The following GET1 variants were observed in gnomAD, a reference collection of about 807,000 sequenced individuals.
The protein encoded by GET1 is congenital heart disease 5 protein.
A neutral mutation model predicts 22.6 loss-of-function variants in GET1; 20 were observed. The observed-to-expected ratio is 0.89, with a 90% confidence interval of 0.62 to 1.29. The LOEUF is 1.29. Among genes scored for constraint, GET1 ranks in the 50% most tolerant of loss-of-function variants. The pLI is 0.00. For synonymous variants in GET1, 92 were observed against 83.8 expected (o/e 1.10, Z -0.53); for missense variants, 209 against 219.9 (o/e 0.95, Z 0.31).
At chr21:39,407,971 A>G (rs2147103560), downstream of GET1, 1 of 152,348 alleles carries the variant, frequency 6.6e-6, no homozygotes, top group Middle Eastern at 3.4e-3. Flanking sequence ...CTTACAACTA[A>G]GGTGAGGCCC....
At position 39,390,805 on chromosome 21, in the gene GET1, C is replaced by T; in HGVS notation, c.210C>T (p.Ala70=). The T allele has an allele frequency of 1.2e-6, 2 of 1,614,144 alleles. No individual in the cohort carries two copies. Among genetic ancestry groups the T allele is most frequent in the Non-Finnish European group, 1.7e-6 (2 of 1,180,030 alleles). Residue 70 remains alanine, a synonymous_variant, in exon 2 of 5, where the codon GCC becomes GCT. Transcript: ENST00000649170. ...LSTVNMMDEF[A]RYARLERKIN... is the part of the protein sequence containing the mutation. ...CAGTCAACATGATGGACGAGTTTGC[C>T]AGATATGCCAGGCTGGAAAGAAAGA...
chr21:39,391,782 A>G lies in GET1; in HGVS notation c.282A>G (p.Thr94=), dbSNP rs1159918336. 6.2e-7 allele frequency: 1 copy of G among 1,614,104 alleles called. No homozygotes were observed. ...DKLKTHVKAR[T]AQLAKIKWVI... ...TTTTCCTTTCAGTGAAAGCTCGGAC[A>G]GCTCAATTAGCCAAGATAAAATGGG... The change falls in exon 3 of 5, where the codon ACA becomes ACG. Residue 94 remains threonine, a synonymous_variant. Transcript: ENST00000649170.
At chr21:39,426,640 C>T (rs73367928) in intron 1 of GET1, among the ~76,000 whole-genome samples, 35,014 of 152,226 alleles carry the variant, frequency 0.23, 4,524 homozygotes, top group African/African-American at 0.35. Context: ...TAAAGATCTG[C>T]TTCATATTAG....
intron 1 of GET1, among the ~76,000 whole-genome samples, chr21:39,388,007 A>T (rs1380356323): frequency 6.6e-6 from 1 of 152,184 alleles, no homozygotes; most frequent in Non-Finnish European, 1.5e-5. Context: ...AATACCGATA[A>T]CTGATTTTGT....
chr21:39,405,918 C>T (rs776511481), exon 5 of GET1: 17 of 1,605,166 alleles, frequency 1.1e-5, no homozygotes, highest in South Asian at 3.3e-5. Context: ...CTGTAGGTGA[C>T]GATGGCTTAA....
Position 39,420,735 on chromosome 21 carries a change from C to T in GET1, c.*24-7497C>T, listed in dbSNP as rs535073284. ...AGTTTTTGTTGAAGGTGTTTTACTTCCACCTGCAGAGTCTTGGTAGCTGTC... is the reference window on the plus strand; with the variant it reads ...AGTTTTTGTTGAAGGTGTTTTACTTTCACCTGCAGAGTCTTGGTAGCTGTC... On this transcript the variant is annotated intron_variant, in intron 1 of 1. Coordinates refer to the GET1 transcript ENST00000478273. 292 of 1,612,542 alleles carry T rather than the reference C, an allele frequency of 1.8e-4. 1 individual carries two copies. The highest frequency in any genetic ancestry group is 1.7e-3 in the South Asian group (151 of 90,996).
chr21:39,414,013 C>T (rs564398720), intron 1 of GET1: 1 of 152,188 alleles, frequency 6.6e-6, no homozygotes, highest in Admixed American at 6.5e-5. Context: ...AGGTTGGGCA[C>T]CACGACAGAG....
chr21:39,424,157 T>G (rs2074238726), intron 1 of GET1, among the ~76,000 whole-genome samples: 1 of 152,030 alleles, frequency 6.6e-6, no homozygotes, highest in South Asian at 2.1e-4. Flanking sequence ...GGATTACACG[T>G]GTCTGCCACT....
chr21:39,410,775 C>G, downstream of GET1: 1 of 466,956 alleles, frequency 2.1e-6, no homozygotes, highest in Non-Finnish European at 4.4e-6. Flanking sequence ...ACTGCACTTT[C>G]CTGAAAAGTG....
chr21:39,392,687 C>T (rs2146978226), intron 3 of GET1, among the ~76,000 whole-genome samples: 1 of 152,246 alleles, frequency 6.6e-6, no homozygotes, highest in East Asian at 1.9e-4. Flanking sequence ...CTCTGCGTCC[C>T]TTGCTAACAC....
At chr21:39,386,960 C>T (rs1231144977) in intron 1 of GET1, among the ~76,000 whole-genome samples, 1 of 152,112 alleles carries the variant, frequency 6.6e-6, no homozygotes, top group Non-Finnish European at 1.5e-5. Context: ...TCCCTCCCTC[C>T]CCGCCTCAGC....
At chr21:39,417,875 C>T (rs947102073) in intron 1 of GET1, among the ~76,000 whole-genome samples, 1 of 152,160 alleles carries the variant, frequency 6.6e-6, no homozygotes, top group Non-Finnish European at 1.5e-5. Flanking sequence ...ACACCATTCT[C>T]CTGCCTCAGC....
At chr21:39,400,478 C>T (rs1406808300), downstream of GET1, among the ~76,000 whole-genome samples, 1 of 152,186 alleles carries the variant, frequency 6.6e-6, no homozygotes, top group African/African-American at 2.4e-5. Flanking sequence ...GTATTTAACT[C>T]ACAATCACAT....
At chr21:39,410,252 A>G (rs750006417), downstream of GET1, 6 of 1,555,030 alleles carry the variant, frequency 3.9e-6, no homozygotes, top group Non-Finnish European at 3.5e-6. Context: ...CAAGATTCCA[A>G]ATTTGCTGTA....
intron 1 of GET1, among the ~76,000 whole-genome samples, chr21:39,419,814 A>G: frequency 6.6e-6 from 1 of 152,194 alleles, no homozygotes; most frequent in South Asian, 2.1e-4. Flanking sequence ...GTATTTCTTA[A>G]GCATCTTATC....
At chr21:39,410,308 G>T, downstream of GET1, 1 of 1,611,068 alleles carries the variant, frequency 6.2e-7, no homozygotes, top group East Asian at 2.2e-5. Flanking sequence ...GTTCCCTGGT[G>T]TCTCATACTT....
chr21:39,424,988 A>G (rs1349856621), intron 1 of GET1, among the ~76,000 whole-genome samples: 1 of 152,194 alleles, frequency 6.6e-6, no homozygotes, highest in African/African-American at 2.4e-5. Context: ...GACAGAGCCC[A>G]TTGTCTATGT....
intron 1 of GET1, chr21:39,422,179 T>C (rs976899664): frequency 6.6e-6 from 1 of 152,214 alleles, no homozygotes. Context: ...GAACCTGATA[T>C]TTACTTACTT....
chr21:39,396,778 C>A (rs868865762), intron 4 of GET1, 88 bp from the exon 5 acceptor site: 3 of 1,171,210 alleles, frequency 2.6e-6, no homozygotes, highest in Non-Finnish European at 3.8e-6. Context: ...AATGGAAATA[C>A]TCTCTTTGCT....
Sources: allele counts gnomAD v4.1 joint callset (sites outside exome capture counted in the v4.1 genomes callset), GRCh38; gene constraint gnomAD v4.1.1; transcripts MANE v1.5; gene names NCBI Gene and HGNC (gene_info 2026-07-23, HGNC 2026-07-21).